NDUFAF5: variants seen among roughly 807,000 people sequenced by gnomAD.
NDUFAF5 encodes the protein NADH:ubiquinone oxidoreductase complex assembly factor 5, also known as arginine-hydroxylase NDUFAF5, mitochondrial.
Under a neutral mutation model 48.9 loss-of-function variants are expected in NDUFAF5, and 34 were observed. The ratio of observed to expected loss-of-function variants is 0.70; its 90% CI spans 0.53 to 0.93. The LOEUF (loss-of-function observed/expected upper bound fraction) is 0.93. Ranked by LOEUF, NDUFAF5 falls within the 40% of genes least tolerant of loss-of-function variation. The pLI, the probability that NDUFAF5 is intolerant of heterozygous loss-of-function variation, is 0.00. For missense variants in NDUFAF5, 428 were observed against 427.5 expected (o/e 1.00, Z -0.01); for synonymous variants, 153 against 150.6 (o/e 1.02, Z -0.12).
intron 8 of NDUFAF5, among the ~76,000 whole-genome samples, chr20:13,815,661 AC>A (rs1264417330): frequency 6.6e-6 from 1 of 152,240 alleles, no homozygotes; most frequent in Non-Finnish European, 1.5e-5. Context: ...GAAAAACAAA[AC>A]TAAGAAACAT....
At chr20:13,793,380 C>T (rs1219049828) in intron 4 of NDUFAF5, among the ~76,000 whole-genome samples, 153 bp downstream of exon 4, 1 of 152,034 alleles carries the variant, frequency 6.6e-6, no homozygotes, top group Non-Finnish European at 1.5e-5. Flanking sequence ...GAAAAATCAC[C>T]CCTATCACCC....
chr20:13,817,222 G>T lies in NDUFAF5; in HGVS notation c.*12G>T, dbSNP rs1287080823. 2 of 1,587,240 alleles carry T rather than the reference G, an allele frequency of 1.3e-6. No individual in the cohort carries two copies. The highest frequency in any genetic ancestry group is 1.1e-5 in the South Asian group (1 of 90,540). On this transcript the variant is annotated 3_prime_UTR_variant, in exon 11 of 11. Coordinates refer to ENST00000378106, the MANE Select transcript of NDUFAF5 (RefSeq NM_024120.5). ...AAAAATCACAATAAATATTTATTCAGTGTTAATGTCGTCCAGAATTTTCAT... is the reference window on the plus strand; with the variant it reads ...AAAAATCACAATAAATATTTATTCATTGTTAATGTCGTCCAGAATTTTCAT...
rs7268735 is a variant in NDUFAF5, at chr20:13,795,020, C to T, written c.479+79C>T. On this transcript the variant is annotated intron_variant, in intron 5 of 10. Coordinates refer to ENST00000378106, the MANE Select transcript of NDUFAF5 (RefSeq NM_024120.5). Reference sequence around the variant, plus strand: ...TAAAGTTTTGCTATGAGGCCAGGAGCGGTGGCTCACGCCTGTAATGCTAGC... The same window carrying T: ...TAAAGTTTTGCTATGAGGCCAGGAGTGGTGGCTCACGCCTGTAATGCTAGC... 23,232 of 946,620 alleles carry T rather than the reference C, an allele frequency of 0.025. 341 individuals are homozygous for T. Among genetic ancestry groups the T allele is most frequent in the African/African-American group, 0.05 (3,082 of 61,660 alleles). 58.6% of individuals were successfully genotyped at this position (946,620 alleles called of 1,614,324 possible).
intron 8 of NDUFAF5, among the ~76,000 whole-genome samples, chr20:13,811,116 A>G (rs1012689291): frequency 7.9e-5 from 12 of 152,168 alleles, no homozygotes; most frequent in Non-Finnish European, 2.9e-5. Flanking sequence ...TTCTAGGAGT[A>G]TAATTGAGAT....
rs1986496354 is a variant in NDUFAF5, at chr20:13,816,607, T to A, written c.862+61T>A. The stretch of plus-strand genomic sequence containing the variant: ...GGCACTTGTGCTGTATCATGTTGAT[T>A]CCCTTCACGTTGCCAATGCATTTTC... On this transcript the variant is annotated intron_variant, in intron 9 of 10. Transcript: ENST00000378106. The A allele has an allele frequency of 2.3e-5, 30 of 1,325,934 alleles. No individual in the cohort carries two copies. The South Asian group carries it at 3.5e-4, about 16-fold the overall frequency. 82.1% of individuals were successfully genotyped at this position (1,325,934 alleles called of 1,614,324 possible). A position where few individuals can be genotyped will look rare whatever the true frequency, so the allele number is the denominator to read the frequency against.
rs182559909 is a variant in NDUFAF5, at chr20:13,818,041, C to T, written c.*831C>T. The T allele has an allele frequency of 6.7e-6, 3 of 447,770 alleles. No individual in the cohort carries two copies. In the East Asian group the frequency reaches 2.1e-4, roughly 31 times the overall value. 27.7% of individuals were successfully genotyped at this position (447,770 alleles called of 1,614,324 possible). A position where few individuals can be genotyped will look rare whatever the true frequency, so the allele number is the denominator to read the frequency against. ...TCCAGTTAGCTGTTCGCTGTCTTTT[C>T]CATTTAACCTGGGCACTGCCCTAGC... On this transcript the variant is annotated 3_prime_UTR_variant, in exon 11 of 11. Coordinates refer to ENST00000378106, the MANE Select transcript of NDUFAF5 (RefSeq NM_024120.5).
At chr20:13,799,171 T>C (rs185921112) in intron 6 of NDUFAF5, among the ~76,000 whole-genome samples, 51 of 152,260 alleles carry the variant, frequency 3.3e-4, no homozygotes, top group Middle Eastern at 6.8e-3. Flanking sequence ...TGAGGTGTGA[T>C]GTATTGGGAC....
chr20:13,812,892 C>T (rs1459579088), intron 8 of NDUFAF5: 1 of 152,196 alleles, frequency 6.6e-6, no homozygotes, highest in Admixed American at 6.5e-5. Flanking sequence ...TTTTCAGTCT[C>T]CCAGAAGGTA....
intron 8 of NDUFAF5, among the ~76,000 whole-genome samples, chr20:13,815,094 C>T (rs1194955564): frequency 6.6e-6 from 1 of 152,178 alleles, no homozygotes; most frequent in Non-Finnish European, 1.5e-5. Context: ...ATTTCTAGTG[C>T]ATCACATGTT....
At position 13,794,821 on chromosome 20, in the gene NDUFAF5, C is replaced by G. The variant is rs750676394; in HGVS notation, c.376-17C>G. 7.0e-7 allele frequency: 1 copy of G among 1,436,198 alleles called. No homozygotes were observed. The highest frequency in any genetic ancestry group is 1.7e-5 in the Admixed American group (1 of 59,506). The allele number at this position is 1,436,198 out of a possible 1,614,324, so 89.0% of individuals were successfully genotyped here. ...CTACATAAATGTGATTTTGATCTTT[C>G]GTTTTCTTAACATTAGAAAAATTCC... On this transcript the variant is annotated splice_polypyrimidine_tract_variant and intron_variant, in intron 4 of 10. Transcript: ENST00000378106.
At chr20:13,799,258 G>T (rs537778937) in intron 6 of NDUFAF5, among the ~76,000 whole-genome samples, 47 of 152,310 alleles carry the variant, frequency 3.1e-4, no homozygotes, top group Admixed American at 1.4e-3. Context: ...GCATTTTGAA[G>T]AGGAAAATGA....
intron 3 of NDUFAF5, among the ~76,000 whole-genome samples, chr20:13,791,171 G>A (rs1600326842): frequency 3.3e-5 from 5 of 152,346 alleles, no homozygotes; most frequent in Admixed American, 3.3e-4. Flanking sequence ...TGAGATGGCA[G>A]TGGAATATGG....
intron 1 of NDUFAF5, 21 bp downstream of exon 1, chr20:13,785,311 G>C: frequency 6.3e-7 from 1 of 1,575,750 alleles, no homozygotes. Context: ...GGGGCGGCGG[G>C]GCGGCGGGGC....
intron 8 of NDUFAF5, among the ~76,000 whole-genome samples, chr20:13,811,419 A>G (rs1985849498): frequency 6.6e-6 from 1 of 152,168 alleles, no homozygotes; most frequent in Non-Finnish European, 1.5e-5. Flanking sequence ...AGATTTTAAA[A>G]TCTTAACTTG....
rs1466271703 is a variant in NDUFAF5, at chr20:13,785,097, T to A, written c.29T>A (p.Leu10Ter). 7 of 1,613,234 alleles carry A rather than the reference T, an allele frequency of 4.3e-6. No homozygotes were observed. Among genetic ancestry groups the A allele is most frequent in the Admixed American group, 3.3e-5 (2 of 60,012 alleles). ...CTGCGGCCGGCAGGGCTCTGGCGCT[T>A]ATGTCGGCGACCTTGGGCGGCGAGG... is the stretch of plus-strand genomic sequence containing the variant. MLRPAGLWR[L>*]CRRPWAARVP... Residue 10 changes from leucine (L) to a stop codon, truncating the protein, a stop_gained, in exon 1 of 11, where the codon TTA (leucine) becomes TAA (stop). Transcript: ENST00000378106. LOFTEE classifies it high-confidence loss of function.
chr20:13,788,570 T>A lies in NDUFAF5; in HGVS notation c.264-19T>A, dbSNP rs1163267949. 2 of 1,591,430 alleles carry A rather than the reference T, an allele frequency of 1.3e-6. No homozygotes were observed. Among genetic ancestry groups the A allele is most frequent in the Non-Finnish European group, 1.7e-6 (2 of 1,159,624 alleles). ...ACTGTGTTATGGACAGAGCATAACCTCTGTGTCTTTTTTTTTAGAAATTTC... is the reference window on the plus strand; with the variant it reads ...ACTGTGTTATGGACAGAGCATAACCACTGTGTCTTTTTTTTTAGAAATTTC... On this transcript the variant is annotated intron_variant, in intron 2 of 10. Coordinates refer to ENST00000378106, the MANE Select transcript of NDUFAF5 (RefSeq NM_024120.5).
chr20:13,809,287 A>T (rs1985523594), intron 8 of NDUFAF5, among the ~76,000 whole-genome samples: 1 of 152,192 alleles, frequency 6.6e-6, no homozygotes, highest in Non-Finnish European at 1.5e-5. Context: ...ACAGGAATGA[A>T]GGTAGTTGAG....
rs117002283 is a variant in NDUFAF5, at chr20:13,801,548, C to G, written c.582C>G (p.Leu194=). The change falls in exon 7 of 11, where the codon CTC becomes CTG. Residue 194 remains leucine, a synonymous_variant. Transcript: ENST00000378106. The part of the protein sequence containing the change: ...FIGAMFGGDT[L]YELRCSLQLA... ...GTGCAATGTTTGGAGGCGACACACT[C>G]TATGAACTTCGGTGTTCCTTACAGT... 6.2e-7 allele frequency: 1 copy of G among 1,613,992 alleles called. No homozygotes were observed. Among genetic ancestry groups the G allele is most frequent in the Non-Finnish European group, 8.5e-7 (1 of 1,179,934 alleles).
intron 5 of NDUFAF5, among the ~76,000 whole-genome samples, chr20:13,796,944 A>C (rs1444811695): frequency 6.6e-6 from 1 of 152,182 alleles, no homozygotes; most frequent in Non-Finnish European, 1.5e-5. Flanking sequence ...GCGCCACTGC[A>C]CTCCAGCCTG....
Sources: allele counts gnomAD v4.1 joint callset (sites outside exome capture counted in the v4.1 genomes callset), GRCh38; gene constraint gnomAD v4.1.1; transcripts MANE v1.5; gene names NCBI Gene and HGNC (gene_info 2026-07-23, HGNC 2026-07-21).